ATP10B: variants seen among roughly 807,000 people sequenced by gnomAD.
ATP10B encodes phospholipid-transporting ATPase VB.
A neutral mutation model predicts 141.2 loss-of-function variants in ATP10B; 122 were observed. The observed-to-expected ratio is 0.86, with a 90% CI of 0.75 to 1.00. The LOEUF is 1.00. ATP10B is among the 50% of genes least tolerant of loss of function. The pLI, the probability that ATP10B is intolerant of heterozygous loss-of-function variation, is 0.00. For missense variants in ATP10B, 1,876 were observed against 1,825.3 expected (o/e 1.03, Z -0.51); for synonymous variants, 685 against 692.0 (o/e 0.99, Z 0.16).
At chr5:160,796,109 G>A (rs1371381722) in intron 1 of ATP10B, among the ~76,000 whole-genome samples, 1 of 152,098 alleles carries the variant, frequency 6.6e-6, no homozygotes, top group Non-Finnish European at 1.5e-5. Flanking sequence ...TGTATATTTA[G>A]AGTAAAAACA....
At chr5:160,775,532 T>G (rs71605443) in intron 2 of ATP10B, among the ~76,000 whole-genome samples, 18,619 of 152,068 alleles carry the variant, frequency 0.12, 1,226 homozygotes, top group Middle Eastern at 0.14. Flanking sequence ...TTTTGTTCTA[T>G]CTCCAATCCC....
At chr5:160,872,746 A>G in the ATP10B span, among the ~76,000 whole-genome samples, 4 of 152,106 alleles carry the variant, frequency 2.6e-5, 1 homozygote, top group African/African-American at 7.2e-5. Context: ...GCCTATTTTT[A>G]TACCAGTATT....
chr5:160,614,711 G>A (rs1391519739), intron 17 of ATP10B, among the ~76,000 whole-genome samples: 1 of 152,138 alleles, frequency 6.6e-6, no homozygotes, highest in African/African-American at 2.4e-5. Context: ...CATCCCACTT[G>A]CCAGCATCAC....
At chr5:160,857,080 T>C (rs1032719272), upstream of ATP10B, among the ~76,000 whole-genome samples, 3 of 151,848 alleles carry the variant, frequency 2.0e-5, no homozygotes, top group East Asian at 3.9e-4. Context: ...ATAAAACAAT[T>C]TGAGATATAA....
At chr5:160,619,251 T>C (rs866300571) in intron 15 of ATP10B, among the ~76,000 whole-genome samples, 6 of 152,202 alleles carry the variant, frequency 3.9e-5, no homozygotes, top group Non-Finnish European at 7.3e-5. Flanking sequence ...TTAAACACCA[T>C]AAATATTATT....
intron 24 of ATP10B, among the ~76,000 whole-genome samples, chr5:160,572,376 T>A (rs1307811535): frequency 6.6e-6 from 1 of 152,108 alleles, no homozygotes; most frequent in African/African-American, 2.4e-5. Flanking sequence ...AGGGAAGAAA[T>A]AGATTCTCTT....
chr5:160,877,798 G>T, the ATP10B span, among the ~76,000 whole-genome samples: 1 of 120,780 alleles, frequency 8.3e-6, no homozygotes, highest in African/African-American at 2.6e-5. Context: ...GCTTCAAAGA[G>T]AATAAAATAC....
the ATP10B span, among the ~76,000 whole-genome samples, chr5:160,923,089 G>A: frequency 6.6e-6 from 1 of 152,250 alleles, no homozygotes; most frequent in South Asian, 2.1e-4. Flanking sequence ...CAGAGCAGAA[G>A]AGAAAATGAG....
At chr5:160,581,054 C>T (rs780762792) in intron 24 of ATP10B, among the ~76,000 whole-genome samples, 57 of 150,770 alleles carry the variant, frequency 3.8e-4, no homozygotes, top group Non-Finnish European at 6.4e-4. Flanking sequence ...TCTCATTAGT[C>T]TGGCTAGTGG....
At chr5:160,814,427 T>A (rs1208730974) in intron 1 of ATP10B, among the ~76,000 whole-genome samples, 1 of 151,722 alleles carries the variant, frequency 6.6e-6, no homozygotes, top group Non-Finnish European at 1.5e-5. Context: ...AGAAGAGAAG[T>A]TTAGAGAAAA....
chr5:160,719,712 T>C lies in ATP10B; in HGVS notation c.-330-2678A>G, dbSNP rs1017395562. ...CCTCATTAGGAAAAGTAAAATAATA[T>C]GGCCATTATTTCGTCCATTCTATGT... On this transcript the variant is annotated intron_variant, in intron 2 of 25. Transcript: ENST00000327245. Among the ~76,000 whole-genome samples, 97 of 152,348 alleles carry C rather than the reference T, an allele frequency of 6.4e-4. 1 individual carries two copies. The highest frequency in any genetic ancestry group is 2.2e-3 in the African/African-American group (93 of 41,582).
chr5:160,795,353 A>C (rs1771864852), intron 1 of ATP10B, among the ~76,000 whole-genome samples: 1 of 152,176 alleles, frequency 6.6e-6, no homozygotes, highest in Admixed American at 6.5e-5. Flanking sequence ...ACTGGAGTAG[A>C]GAGAAGTCTT....
chr5:160,705,150 C>T (rs1764927840), intron 3 of ATP10B, among the ~76,000 whole-genome samples: 1 of 151,856 alleles, frequency 6.6e-6, no homozygotes, highest in African/African-American at 2.4e-5. Context: ...GATCTCCTGA[C>T]CTCGTGATCT....
intron 1 of ATP10B, among the ~76,000 whole-genome samples, chr5:160,819,366 C>T (rs1773930955): frequency 6.6e-6 from 1 of 152,122 alleles, no homozygotes; most frequent in African/African-American, 2.4e-5. Context: ...TAAAGTCTTT[C>T]TCAGAGAAAC....
At chr5:160,656,602 TACC>T (rs1288227559) in intron 7 of ATP10B, among the ~76,000 whole-genome samples, 7 of 152,222 alleles carry the variant, frequency 4.6e-5, no homozygotes, top group Non-Finnish European at 1.0e-4. Context: ...AAATTTCATT[TACC>T]ACTTCACTAG....
At chr5:160,618,002 G>T in intron 15 of ATP10B, 29 bp from the exon 16 acceptor site, 1 of 1,551,256 alleles carries the variant, frequency 6.4e-7, no homozygotes, top group Non-Finnish European at 8.9e-7. Context: ...CCCGCATGAG[G>T]CCACATACAA....
At chr5:160,897,923 A>G in the ATP10B span, among the ~76,000 whole-genome samples, 1 of 152,232 alleles carries the variant, frequency 6.6e-6, no homozygotes, top group Non-Finnish European at 1.5e-5. Flanking sequence ...CAAACCTGAC[A>G]AAAACAAGCA....
At chr5:160,608,795 A>G (rs1157568587) in intron 18 of ATP10B, among the ~76,000 whole-genome samples, 1 of 152,020 alleles carries the variant, frequency 6.6e-6, no homozygotes, top group Non-Finnish European at 1.5e-5. Flanking sequence ...TTTTTCCTGT[A>G]AATTTCTTTA....
At chr5:160,791,934 C>T (rs1028422019) in intron 1 of ATP10B, among the ~76,000 whole-genome samples, 2 of 152,118 alleles carry the variant, frequency 1.3e-5, no homozygotes, top group African/African-American at 2.4e-5. Flanking sequence ...ATGAAAATGA[C>T]TCTAGCTGGG....
Sources: allele counts gnomAD v4.1 joint callset (sites outside exome capture counted in the v4.1 genomes callset), GRCh38; gene constraint gnomAD v4.1.1; transcripts MANE v1.5; gene names NCBI Gene and HGNC (gene_info 2026-07-23, HGNC 2026-07-21).